ABLIM2: variants seen among roughly 807,000 people sequenced by gnomAD.
ABLIM2 encodes actin-binding LIM protein 2.
In ABLIM2, 53 loss-of-function variants were observed where a neutral mutation model predicts 97.7. The observed-to-expected ratio is 0.54, with a 90% confidence interval of 0.44 to 0.68. The LOEUF (loss-of-function observed/expected upper bound fraction) is 0.68. Among genes scored for constraint, ABLIM2 ranks in the 30% least tolerant of loss-of-function variants. The pLI is 0.00. For synonymous variants in ABLIM2, 361 were observed against 345.8 expected, an observed-to-expected ratio of 1.04 and a Z score of -0.49; for missense variants, 835 against 867.2, an observed-to-expected ratio of 0.96 and a Z score of 0.47.
At chr4:8,091,138 C>T (rs1047726093) in intron 3 of ABLIM2, among the ~76,000 whole-genome samples, 2 of 149,686 alleles carry the variant, frequency 1.3e-5, no homozygotes, top group Non-Finnish European at 2.9e-5. Flanking sequence ...CCAGCACTTG[C>T]CATGGTCCAT....
intron 2 of ABLIM2, among the ~76,000 whole-genome samples, chr4:8,099,828 G>C (rs185242293): frequency 3.9e-5 from 6 of 152,252 alleles, no homozygotes; most frequent in African/African-American, 1.4e-4. Flanking sequence ...CTGGGTGACA[G>C]AGTGAGACTC....
At chr4:8,048,842 G>A (rs530628269) in intron 8 of ABLIM2, among the ~76,000 whole-genome samples, 2 of 152,230 alleles carry the variant, frequency 1.3e-5, no homozygotes, top group South Asian at 4.2e-4. Flanking sequence ...CCAGCCCCTG[G>A]CCAGAGCAGG....
intron 14 of ABLIM2, among the ~76,000 whole-genome samples, chr4:8,014,799 GAA>G (rs1363642080): frequency 6.6e-6 from 1 of 152,210 alleles, no homozygotes; most frequent in Non-Finnish European, 1.5e-5. Flanking sequence ...TGTCAGGATG[GAA>G]AAAGACTGCA....
chr4:8,054,394 C>A lies in ABLIM2; in HGVS notation c.764-148G>T, dbSNP rs970753991. 15 of 830,736 alleles carry A rather than the reference C, an allele frequency of 1.8e-5. No individual in the cohort carries two copies. The highest frequency in any genetic ancestry group is 1.2e-4 in the Admixed American group (6 of 48,158). 51.5% of individuals were successfully genotyped at this position (830,736 alleles called of 1,614,324 possible). ...AGCGGCCCTGAGCATCCTCTCTGTGCTGGAGTTAGTGCCGGGCAGGGGGTA... is the reference window on the plus strand; with the variant it reads ...AGCGGCCCTGAGCATCCTCTCTGTGATGGAGTTAGTGCCGGGCAGGGGGTA... On this transcript the variant is annotated intron_variant, in intron 7 of 20. Transcript: ENST00000447017. This position sits in a 1 kb window ranked among gnomAD's most constrained non-coding sequence, Gnocchi z 4.9.
intron 10 of ABLIM2, among the ~76,000 whole-genome samples, chr4:8,035,661 C>T (rs1008768977): frequency 6.6e-6 from 1 of 152,214 alleles, no homozygotes; most frequent in Non-Finnish European, 1.5e-5. Context: ...CGTCCACAGG[C>T]AGGCCAGGAA....
In ABLIM2 at chr4:8,095,046, TTCTTTCTTTCTTTC is replaced by T. The variant is rs1273799269; in HGVS notation, c.338+2039_338+2052del. Reference sequence around the variant, plus strand: ...TCCCCCCACTTCTTTCCTTCCTTCCTTCTTTCTTTCTTTCTCTTTCTTTCTTTCTCTCTCTCTCT... The same window carrying T: ...TCCCCCCACTTCTTTCCTTCCTTCCTTCTTTCTTTCTTTCTCTCTCTCTCT... On this transcript the variant is annotated intron_variant, in intron 3 of 20. Coordinates refer to ENST00000447017, the MANE Select transcript of ABLIM2 (RefSeq NM_001130083.2). The surrounding 1 kb of genome is among the most constrained non-coding windows in gnomAD (Gnocchi z 4.7). Among the ~76,000 whole-genome samples, 28 of 84,428 alleles carry T rather than the reference TTCTTTCTTTCTTTC, an allele frequency of 3.3e-4. No individual in the cohort carries two copies. Among genetic ancestry groups the T allele is most frequent in the East Asian group, 2.5e-3 (6 of 2,384 alleles). 55.4% of individuals were successfully genotyped at this position (84,428 alleles called of 152,430 possible).
At chr4:8,118,909 C>CT (rs1410835069) in intron 1 of ABLIM2, among the ~76,000 whole-genome samples, 10 of 152,332 alleles carry the variant, frequency 6.6e-5, no homozygotes, top group Admixed American at 4.6e-4. Context: ...TGCACCCTAA[C>CT]TTTAAGAAAA....
intron 6 of ABLIM2, among the ~76,000 whole-genome samples, chr4:8,062,831 T>C (rs1281899604): frequency 1.3e-5 from 2 of 152,204 alleles, no homozygotes; most frequent in African/African-American, 4.8e-5. Context: ...GTCACAGTTG[T>C]CAACTGCTGG....
chr4:8,153,328 T>C (rs1277750188), intron 1 of ABLIM2, among the ~76,000 whole-genome samples: 1 of 152,200 alleles, frequency 6.6e-6, no homozygotes, highest in Admixed American at 6.5e-5. Flanking sequence ...CAAAATATCC[T>C]ATCTACCCCC....
intron 16 of ABLIM2, among the ~76,000 whole-genome samples, chr4:8,000,806 A>G (rs887159649): frequency 1.3e-5 from 2 of 152,112 alleles, no homozygotes; most frequent in African/African-American, 4.8e-5. Flanking sequence ...CCCAGGCACT[A>G]AGAGTCCATG....
At chr4:8,065,023 G>C (rs1806103735) in intron 6 of ABLIM2, among the ~76,000 whole-genome samples, 1 of 152,192 alleles carries the variant, frequency 6.6e-6, no homozygotes. Flanking sequence ...GTCAAGGCAA[G>C]AGGATCACTT....
At chr4:8,126,257 G>A (rs916605372) in intron 1 of ABLIM2, among the ~76,000 whole-genome samples, 1 of 152,170 alleles carries the variant, frequency 6.6e-6, no homozygotes, top group Non-Finnish European at 1.5e-5. Flanking sequence ...TGGTCTGGCT[G>A]CCCAGAGATG....
chr4:8,121,339 C>T (rs1350813929), intron 1 of ABLIM2, among the ~76,000 whole-genome samples: 1 of 152,258 alleles, frequency 6.6e-6, no homozygotes, highest in Non-Finnish European at 1.5e-5. Flanking sequence ...AGACGCCAGC[C>T]CAGCTCCTGC....
intron 6 of ABLIM2, among the ~76,000 whole-genome samples, chr4:8,070,085 T>C (rs1164599516): frequency 6.6e-6 from 1 of 151,988 alleles, no homozygotes; most frequent in East Asian, 1.9e-4. Context: ...GTCATCTGTG[T>C]CTTTCTGTGT....
At chr4:7,988,941 T>C (rs1746505305) in intron 17 of ABLIM2, among the ~76,000 whole-genome samples, 1 of 152,194 alleles carries the variant, frequency 6.6e-6, no homozygotes, top group South Asian at 2.1e-4. Flanking sequence ...AACATTTTAA[T>C]AAATATTTTC....
intron 3 of ABLIM2, among the ~76,000 whole-genome samples, chr4:8,094,644 C>T (rs775638838): frequency 6.6e-6 from 1 of 152,126 alleles, no homozygotes; most frequent in Non-Finnish European, 1.5e-5. Flanking sequence ...ACTACCAGGC[C>T]CAGGGTGTGG....
At chr4:8,030,488 T>C (rs1176301974) in intron 10 of ABLIM2, among the ~76,000 whole-genome samples, 1 of 152,134 alleles carries the variant, frequency 6.6e-6, no homozygotes, top group Non-Finnish European at 1.5e-5. Context: ...GCCAGCACAG[T>C]GATGAGCAAA....
At chr4:8,129,707 G>C (rs1485458558) in intron 1 of ABLIM2, among the ~76,000 whole-genome samples, 1 of 151,694 alleles carries the variant, frequency 6.6e-6, no homozygotes, top group East Asian at 1.9e-4. Context: ...CAGCCAGTGG[G>C]GCTGGGAGCA....
At position 8,124,234 on chromosome 4, in the gene ABLIM2, G is replaced by A. The variant is rs949959256; in HGVS notation, c.11-17597C>T. Among the ~76,000 whole-genome samples the A allele has an allele frequency of 3.9e-5, 6 of 152,158 alleles. No homozygotes were observed. Among genetic ancestry groups the A allele is most frequent in the Admixed American group, 6.5e-5 (1 of 15,272 alleles). On this transcript the variant is annotated intron_variant, in intron 1 of 20. Coordinates refer to ENST00000447017, the MANE Select transcript of ABLIM2 (RefSeq NM_001130083.2). The surrounding 1 kb of genome is among the most constrained non-coding windows in gnomAD (Gnocchi z 6.1). ...CCTAGCCAGCTCTGCAGAAGTGCTC[G>A]GTGCACACATCTGAAAATCATAACT...
Sources: gnomAD v4.1 joint callset for allele counts (sites outside exome capture counted in the v4.1 genomes callset) on GRCh38, gnomAD v4.1.1 for gene constraint, Gnocchi (gnomAD v3.1) non-coding constraint, MANE v1.5 for transcripts, NCBI Gene and HGNC (gene_info 2026-07-23, HGNC 2026-07-21) for gene names.